KCNQ5: variants seen among roughly 807,000 people sequenced by gnomAD.
The protein encoded by KCNQ5 is potassium voltage-gated channel subfamily Q member 5.
In KCNQ5, 30 loss-of-function variants were observed where a neutral mutation model predicts 98.2. That is an observed-to-expected ratio of 0.31 (90% CI 0.23 to 0.41). KCNQ5 has a LOEUF of 0.41. Among genes scored for constraint, KCNQ5 ranks in the 10% least tolerant of loss-of-function variants. The probability of loss-of-function intolerance (pLI) is 1.00; values close to 1 mark genes in which losing one functional copy is unlikely to be tolerated. For missense variants in KCNQ5, 835 were observed against 1,182.5 expected (o/e 0.71, Z 4.31); for synonymous variants, 458 against 449.4 (o/e 1.02, Z -0.24).
chr6:72,956,223 A>T (rs1484456733), intron 1 of KCNQ5, among the ~76,000 whole-genome samples: 1 of 152,224 alleles, frequency 6.6e-6, no homozygotes, highest in East Asian at 1.9e-4. Context: ...TTTACATATG[A>T]AAGAAACAGA....
chr6:73,078,623 G>A (rs1773634888), intron 5 of KCNQ5, among the ~76,000 whole-genome samples: 1 of 152,148 alleles, frequency 6.6e-6, no homozygotes, highest in South Asian at 2.1e-4. Context: ...TGCAAATAGA[G>A]GCAAAACTGG....
At chr6:72,712,868 A>G (rs989628674) in intron 1 of KCNQ5, among the ~76,000 whole-genome samples, 4 of 152,192 alleles carry the variant, frequency 2.6e-5, no homozygotes, top group Non-Finnish European at 5.9e-5. Flanking sequence ...AAACAATTTT[A>G]TATCACCACC....
At chr6:72,959,860 G>A (rs1329286318) in intron 1 of KCNQ5, among the ~76,000 whole-genome samples, 1 of 152,202 alleles carries the variant, frequency 6.6e-6, no homozygotes, top group Admixed American at 6.5e-5. Context: ...GCACAGAAGT[G>A]TGAAAAGTGT....
In KCNQ5 at chr6:73,105,845, T is replaced by C. The variant is rs73753246; in HGVS notation, c.1029+478T>C. Among the ~76,000 whole-genome samples, 726 of 152,282 alleles carry C rather than the reference T, an allele frequency of 4.8e-3. 9 individuals carry two copies. Among genetic ancestry groups the C allele is most frequent in the African/African-American group, 0.016 (681 of 41,560 alleles). On this transcript the variant is annotated intron_variant, in intron 6 of 13. Coordinates refer to ENST00000370398, the MANE Select transcript of KCNQ5 (RefSeq NM_019842.4). ...TGATTTATTCATTGTGTCATCATCA[T>C]TGATTTTTTTAATGAGCAGTTTCTG... is the stretch of plus-strand genomic sequence containing the variant.
chr6:73,188,723 G>A (rs563062420), intron 11 of KCNQ5, among the ~76,000 whole-genome samples: 102 of 152,224 alleles, frequency 6.7e-4, no homozygotes, highest in African/African-American at 2.4e-3. Context: ...GGTGGCTCAC[G>A]CCTGTAATCC....
intron 1 of KCNQ5, among the ~76,000 whole-genome samples, chr6:72,904,285 G>T (rs1303851329): frequency 6.6e-6 from 1 of 152,134 alleles, no homozygotes; most frequent in Non-Finnish European, 1.5e-5. Flanking sequence ...CAGATAGTTG[G>T]TTGGTGAATT....
At chr6:72,866,381 A>G (rs1432156227) in intron 1 of KCNQ5, among the ~76,000 whole-genome samples, 1 of 151,158 alleles carries the variant, frequency 6.6e-6, no homozygotes, top group Non-Finnish European at 1.5e-5. Flanking sequence ...CAGCTTCCTA[A>G]GTAGTTGGGA....
intron 3 of KCNQ5, among the ~76,000 whole-genome samples, chr6:73,048,491 C>T (rs1772071825): frequency 6.6e-6 from 1 of 152,164 alleles, no homozygotes; most frequent in Non-Finnish European, 1.5e-5. Context: ...AAGGTTCCTT[C>T]TAAAGACAGG....
At chr6:73,050,589 T>A (rs769637136) in intron 3 of KCNQ5, among the ~76,000 whole-genome samples, 2 of 152,218 alleles carry the variant, frequency 1.3e-5, no homozygotes, top group African/African-American at 4.8e-5. Context: ...TCACCAGTTT[T>A]TACATGCGCT....
rs754153619 is a variant in KCNQ5, at chr6:73,004,041, G to C, written c.489+43G>C. The C allele has an allele frequency of 5.3e-6, 6 of 1,135,086 alleles. No homozygotes were observed. The East Asian group carries it at 1.4e-4, about 27-fold the overall frequency. 70.3% of individuals were successfully genotyped at this position (1,135,086 alleles called of 1,614,324 possible). ...AAGAACGTACATGAATGTTGTATAAGAACTGCCTATAACATTTATACTATG... is the reference window on the plus strand; with the variant it reads ...AAGAACGTACATGAATGTTGTATAACAACTGCCTATAACATTTATACTATG... On this transcript the variant is annotated intron_variant, in intron 2 of 13. Coordinates refer to ENST00000370398, the MANE Select transcript of KCNQ5 (RefSeq NM_019842.4).
chr6:73,072,363 G>A (rs138987537), intron 3 of KCNQ5, among the ~76,000 whole-genome samples: 3 of 152,134 alleles, frequency 2.0e-5, no homozygotes, highest in East Asian at 1.9e-4. Context: ...ATTTTACATT[G>A]AGCCATGTTA....
chr6:72,809,248 G>C (rs1359564388), intron 1 of KCNQ5, among the ~76,000 whole-genome samples: 1 of 113,760 alleles, frequency 8.8e-6, no homozygotes, highest in African/African-American at 3.4e-5. Context: ...GTTGTGGGGT[G>C]GGGGGAGGGG....
chr6:72,770,732 C>T (rs932309985), intron 1 of KCNQ5, among the ~76,000 whole-genome samples: 9 of 151,900 alleles, frequency 5.9e-5, no homozygotes, highest in East Asian at 1.9e-4. Flanking sequence ...TATTTGCATG[C>T]GAATATCATT....
chr6:73,150,077 T>G (rs1777090508), intron 10 of KCNQ5, among the ~76,000 whole-genome samples: 1 of 149,728 alleles, frequency 6.7e-6, no homozygotes, highest in Admixed American at 6.6e-5. Flanking sequence ...CCAAAGAGCA[T>G]ATAAACATGG....
chr6:73,054,208 C>T (rs1772362606), intron 3 of KCNQ5, among the ~76,000 whole-genome samples: 1 of 151,970 alleles, frequency 6.6e-6, no homozygotes, highest in Non-Finnish European at 1.5e-5. Context: ...AATAAAAAGC[C>T]TACCAACCAG....
intron 1 of KCNQ5, among the ~76,000 whole-genome samples, chr6:72,876,507 T>G (rs1778414813): frequency 6.6e-6 from 1 of 152,216 alleles, no homozygotes; most frequent in African/African-American, 2.4e-5. Flanking sequence ...TAAATCAGAT[T>G]GCCTTGAGCA....
chr6:73,063,566 T>A (rs973457758), intron 3 of KCNQ5, among the ~76,000 whole-genome samples: 2 of 152,068 alleles, frequency 1.3e-5, no homozygotes, highest in Non-Finnish European at 2.9e-5. Context: ...AAAATTTTGG[T>A]AAGGATTTTA....
intron 10 of KCNQ5, among the ~76,000 whole-genome samples, chr6:73,154,152 G>C (rs1777263208): frequency 6.6e-6 from 1 of 151,974 alleles, no homozygotes; most frequent in Admixed American, 6.6e-5. Flanking sequence ...AAAAAATGTA[G>C]TGAGAGTGTG....
At chr6:73,064,507 A>G (rs1251147575) in intron 3 of KCNQ5, among the ~76,000 whole-genome samples, 2 of 152,062 alleles carry the variant, frequency 1.3e-5, no homozygotes, top group Non-Finnish European at 2.9e-5. Context: ...TTGATTATTC[A>G]TTGGTGGAAT....
Sources: allele counts gnomAD v4.1 joint callset (sites outside exome capture counted in the v4.1 genomes callset), GRCh38; gene constraint gnomAD v4.1.1; transcripts MANE v1.5; gene names NCBI Gene and HGNC (gene_info 2026-07-23, HGNC 2026-07-21).